HM13: variants seen among roughly 807,000 people sequenced by gnomAD.
HM13 encodes histocompatibility minor 13.
Under a neutral mutation model 50.0 loss-of-function variants are expected in HM13, and 18 were observed. That is an observed-to-expected ratio of 0.36 (90% CI 0.25 to 0.53). The LOEUF (loss-of-function observed/expected upper bound fraction) is 0.53, where lower values mean the gene tolerates loss of function less well. Ranked by LOEUF, HM13 falls within the 20% of genes least tolerant of loss-of-function variation. HM13 has a pLI of 0.90. For missense variants in HM13, 393 were observed against 552.4 expected, an observed-to-expected ratio of 0.71 and a Z score of 2.89; for synonymous variants, 197 against 232.6, an observed-to-expected ratio of 0.85 and a Z score of 1.39.
intron 1 of HM13, among the ~76,000 whole-genome samples, chr20:31,518,414 G>A (rs1464272915): frequency 6.6e-6 from 1 of 150,692 alleles, no homozygotes; most frequent in African/African-American, 2.4e-5. Flanking sequence ...GGGAGGCCGA[G>A]GCAGGTGGAT....
intron 2 of HM13, among the ~76,000 whole-genome samples, chr20:31,536,399 A>G (rs1227409548): frequency 6.6e-6 from 1 of 151,818 alleles, no homozygotes; most frequent in Non-Finnish European, 1.5e-5. Flanking sequence ...GAACAGATCT[A>G]GAATCCTTCC....
At chr20:31,520,974 G>A (rs1175959191) in intron 1 of HM13, among the ~76,000 whole-genome samples, 2 of 152,272 alleles carry the variant, frequency 1.3e-5, no homozygotes, top group East Asian at 1.9e-4. Context: ...TTTTGTTTCC[G>A]CTCTGATAAC....
At chr20:31,541,841 A>G (rs1983466951) in intron 3 of HM13, 5 of 152,232 alleles carry the variant, frequency 3.3e-5, no homozygotes, top group Admixed American at 3.3e-4. Context: ...CAAACAACAG[A>G]TCCAAAGGTT....
intron 8 of HM13, among the ~76,000 whole-genome samples, chr20:31,558,139 G>A (rs570768309): frequency 2.6e-5 from 4 of 152,328 alleles, no homozygotes; most frequent in Non-Finnish European, 4.4e-5. Flanking sequence ...GGGTTGCTTA[G>A]GCTTCCGGGA....
At chr20:31,568,967 C>T (rs1410029967) in intron 12 of HM13, among the ~76,000 whole-genome samples, 153 bp from the exon 13 acceptor site, 3 of 152,164 alleles carry the variant, frequency 2.0e-5, no homozygotes, top group Non-Finnish European at 4.4e-5. Flanking sequence ...TGGGGCCAGG[C>T]GCTGTTAGGT....
chr20:31,525,967 AAC>A (rs1482718151), intron 1 of HM13, among the ~76,000 whole-genome samples: 26 of 151,938 alleles, frequency 1.7e-4, no homozygotes, highest in African/African-American at 6.0e-4. Context: ...CTCTGCAAAA[AAC>A]ACAAAAATTA....
intron 1 of HM13, among the ~76,000 whole-genome samples, chr20:31,521,600 A>G (rs1172702769): frequency 4.0e-5 from 6 of 151,882 alleles, no homozygotes; most frequent in Admixed American, 1.3e-4. Context: ...GTGGTGGTAC[A>G]TGCCTGTAGT....
chr20:31,566,505 A>G (rs1333649916), intron 11 of HM13, among the ~76,000 whole-genome samples: 2 of 152,072 alleles, frequency 1.3e-5, no homozygotes, highest in African/African-American at 2.4e-5. Context: ...GGGGAGCGCA[A>G]GGCATCAGAG....
Position 31,538,060 on chromosome 20 carries a change from T to G in HM13, c.283-119T>G, listed in dbSNP as rs115196605. On this transcript the variant is annotated intron_variant, in intron 2 of 12. Transcript: ENST00000398174. ...CACTAGTATTGTCTGAGACTCTTCC[T>G]GACTGTCCCCCGACTCAAGAAGGGT... 6 of 1,175,050 alleles carry G rather than the reference T, an allele frequency of 5.1e-6. No individual in the cohort carries two copies. In the South Asian group the frequency reaches 7.5e-5, roughly 15 times the overall value. The allele number at this position is 1,175,050 out of a possible 1,614,324, so 72.8% of individuals were successfully genotyped here.
chr20:31,548,157 T>C, intron 4 of HM13: 1 of 786,730 alleles, frequency 1.3e-6, no homozygotes, highest in South Asian at 1.6e-5. Flanking sequence ...GTGGTTATGC[T>C]AAATAAGTTT....
At chr20:31,566,411 A>G in intron 11 of HM13, 116 bp downstream of exon 11, 1 of 831,360 alleles carries the variant, frequency 1.2e-6, no homozygotes, top group Non-Finnish European at 2.0e-6. Flanking sequence ...TCCTGCCACC[A>G]GCCCCACCCC....
In HM13 at chr20:31,549,115, G is replaced by A; in HGVS notation, c.540+1G>A. The A allele has an allele frequency of 6.2e-7, 1 of 1,613,994 alleles. No homozygotes were observed. The highest frequency in any genetic ancestry group is 8.5e-7 in the Non-Finnish European group (1 of 1,179,886). ...TGGCGTCTGGTACCTGCTGAGGAAG[G>A]TGAGTAGTCAGGACCTGGGCAGAAG... On this transcript the variant is annotated splice_donor_variant, in intron 5 of 12. Transcript: ENST00000398174. LOFTEE classifies it high-confidence loss of function.
intron 2 of HM13, among the ~76,000 whole-genome samples, chr20:31,532,949 T>A (rs1411892605): frequency 3.3e-5 from 5 of 152,242 alleles, no homozygotes; most frequent in Admixed American, 3.3e-4. Flanking sequence ...TCTTTCCTCC[T>A]CTCTGGGCAG....
chr20:31,521,781 C>T (rs978752268), intron 1 of HM13, among the ~76,000 whole-genome samples: 2 of 141,190 alleles, frequency 1.4e-5, no homozygotes, highest in African/African-American at 2.7e-5. Flanking sequence ...AGGATGAAAA[C>T]ATGTAAAGTA....
At chr20:31,559,043 C>T (rs1382766166) in intron 8 of HM13, among the ~76,000 whole-genome samples, 4 of 152,188 alleles carry the variant, frequency 2.6e-5, no homozygotes, top group African/African-American at 7.2e-5. Flanking sequence ...CTCAGCCTCC[C>T]GAGTAGCTGG....
intron 1 of HM13, among the ~76,000 whole-genome samples, chr20:31,525,418 A>G (rs578207231): frequency 1.4e-4 from 22 of 152,312 alleles, no homozygotes; most frequent in African/African-American, 5.1e-4. Flanking sequence ...GTGAGTCTCC[A>G]TAACTGAATG....
intron 8 of HM13, among the ~76,000 whole-genome samples, chr20:31,556,706 C>A (rs903061348): frequency 6.6e-6 from 1 of 152,102 alleles, no homozygotes; most frequent in Non-Finnish European, 1.5e-5. Flanking sequence ...TTATCAAGCA[C>A]CTGTCGTGTA....
At chr20:31,566,060 G>C (rs1285367227) in intron 10 of HM13, 150 bp from the exon 11 acceptor site, 1 of 538,256 alleles carries the variant, frequency 1.9e-6, no homozygotes, top group African/African-American at 2.0e-5. Flanking sequence ...GGAGTTAGGA[G>C]CCCTGGGTTC....
chr20:31,559,203 A>C (rs1045111092), intron 8 of HM13, among the ~76,000 whole-genome samples: 1 of 152,192 alleles, frequency 6.6e-6, no homozygotes, highest in South Asian at 2.1e-4. Flanking sequence ...TAACAGTCAC[A>C]ATCTCACAAT....
Sources: allele counts gnomAD v4.1 joint callset (sites outside exome capture counted in the v4.1 genomes callset), GRCh38; gene constraint gnomAD v4.1.1; transcripts MANE v1.5; gene names NCBI Gene and HGNC (gene_info 2026-07-23, HGNC 2026-07-21).